PIGU: variants seen among roughly 807,000 people sequenced by gnomAD.
PIGU encodes the protein GPI-anchor transamidase component PIGU.
Under a neutral mutation model 49.9 loss-of-function variants are expected in PIGU, and 24 were observed. The ratio of observed to expected loss-of-function variants is 0.48; its 90% confidence interval spans 0.35 to 0.68. PIGU has a LOEUF of 0.68. Among genes scored for constraint, PIGU ranks in the 30% least tolerant of loss-of-function variants. The pLI is 0.01. For synonymous variants in PIGU, 220 were observed against 205.7 expected, an observed-to-expected ratio of 1.07 and a Z score of -0.59; for missense variants, 490 against 532.6, an observed-to-expected ratio of 0.92 and a Z score of 0.79.
intron 6 of PIGU, among the ~76,000 whole-genome samples, chr20:34,616,618 T>C (rs1985018604): frequency 6.6e-6 from 1 of 152,182 alleles, no homozygotes; most frequent in Non-Finnish European, 1.5e-5. Flanking sequence ...TTTTTTCTTT[T>C]CAAATGAAAG....
chr20:34,618,417 T>C (rs931844693), intron 6 of PIGU, among the ~76,000 whole-genome samples: 1 of 152,034 alleles, frequency 6.6e-6, no homozygotes, highest in Admixed American at 6.6e-5. Flanking sequence ...GCCCAACAGG[T>C]GTCTTGTAAT....
Position 34,581,571 on chromosome 20 carries a change from GGGAAGAA to G in PIGU, c.1021_1027del (p.Phe341ProfsTer10). ...ACATCTGTAGAGATGGTTCCACACG[GGGAAGAA>G]GGCCATGTAGAGCGCCACGTCCCCC... On this transcript the variant is annotated frameshift_variant, in exon 10 of 12. Transcript: ENST00000217446. LOFTEE classifies it high-confidence loss of function. 6.2e-7 allele frequency: 1 copy of G among 1,613,766 alleles called. No homozygotes were observed. The highest frequency in any genetic ancestry group is 8.5e-7 in the Non-Finnish European group (1 of 1,179,934).
chr20:34,612,510 T>C (rs1984853361), intron 7 of PIGU, among the ~76,000 whole-genome samples: 1 of 152,032 alleles, frequency 6.6e-6, no homozygotes, highest in Admixed American at 6.6e-5. Context: ...AGCACATGTA[T>C]TCCAGAACTT....
At chr20:34,616,763 A>C (rs1985025649) in intron 6 of PIGU, among the ~76,000 whole-genome samples, 1 of 152,224 alleles carries the variant, frequency 6.6e-6, no homozygotes, top group Non-Finnish European at 1.5e-5. Context: ...GAAGTTTATA[A>C]AAGAGACATA....
At chr20:34,658,754 C>A (rs954158532) in intron 1 of PIGU, among the ~76,000 whole-genome samples, 1 of 149,076 alleles carries the variant, frequency 6.7e-6, no homozygotes, top group East Asian at 2.0e-4. Flanking sequence ...CCCCTCCGCC[C>A]GGCAGCCGCC....
chr20:34,608,178 G>A (rs566060203), intron 7 of PIGU, among the ~76,000 whole-genome samples: 19 of 150,642 alleles, frequency 1.3e-4, no homozygotes, highest in African/African-American at 4.2e-4. Context: ...AGGTTCAAGC[G>A]ATTCTCGTGC....
intron 11 of PIGU, among the ~76,000 whole-genome samples, chr20:34,562,059 G>C (rs537206867): frequency 4.6e-5 from 7 of 152,328 alleles, no homozygotes; most frequent in African/African-American, 1.7e-4. Context: ...GCCACACACA[G>C]AAGAATCAAA....
At chr20:34,567,054 G>A (rs1161063036) in intron 11 of PIGU, among the ~76,000 whole-genome samples, 1 of 152,242 alleles carries the variant, frequency 6.6e-6, no homozygotes, top group Non-Finnish European at 1.5e-5. Context: ...GGCATGTCCT[G>A]GTTCCCCAGG....
At chr20:34,669,211 GGTTTA>G (rs1027362495) in intron 1 of PIGU, among the ~76,000 whole-genome samples, 5 of 151,872 alleles carry the variant, frequency 3.3e-5, no homozygotes, top group African/African-American at 1.2e-4. Context: ...TAACAACTAT[GGTTTA>G]GTTAATAGTA....
intron 9 of PIGU, among the ~76,000 whole-genome samples, chr20:34,582,499 G>C (rs1201165287): frequency 6.6e-6 from 1 of 151,988 alleles, no homozygotes; most frequent in Non-Finnish European, 1.5e-5. Flanking sequence ...AGGCAACATA[G>C]TGAAATCTCA....
intron 1 of PIGU, among the ~76,000 whole-genome samples, chr20:34,659,593 G>A (rs1255967366): frequency 3.3e-5 from 5 of 152,242 alleles, no homozygotes; most frequent in Non-Finnish European, 7.3e-5. Flanking sequence ...GACAATGGCG[G>A]TTTTGTGGAA....
At chr20:34,584,504 C>CTT (rs5841174) in intron 9 of PIGU, among the ~76,000 whole-genome samples, 197 of 66,398 alleles carry the variant, frequency 3.0e-3, no homozygotes, top group Middle Eastern at 0.015. Context: ...AACTCCTGTT[C>CTT]TTTTTTTTTT....
At chr20:34,668,485 G>GC (rs1383786806) in intron 1 of PIGU, among the ~76,000 whole-genome samples, 5 of 98,798 alleles carry the variant, frequency 5.1e-5, no homozygotes, top group East Asian at 3.1e-4. Context: ...AAAAAAAAAG[G>GC]GGGGGGCGGG....
intron 7 of PIGU, among the ~76,000 whole-genome samples, chr20:34,607,223 G>A (rs911041741): frequency 6.6e-6 from 1 of 152,184 alleles, no homozygotes; most frequent in African/African-American, 2.4e-5. Flanking sequence ...GTAGAAAAGG[G>A]CCGTTCCTGG....
chr20:34,665,445 C>T (rs1987059947), intron 1 of PIGU, among the ~76,000 whole-genome samples: 2 of 151,000 alleles, frequency 1.3e-5, no homozygotes, highest in African/African-American at 2.4e-5. Context: ...CCTCGTGATC[C>T]GCCCGCCTCG....
chr20:34,617,558 C>T (rs1336330455), intron 6 of PIGU, among the ~76,000 whole-genome samples: 1 of 152,172 alleles, frequency 6.6e-6, no homozygotes, highest in African/African-American at 2.4e-5. Context: ...ATGCCTATAC[C>T]CCCATTGTAT....
At chr20:34,584,161 C>T (rs556062513) in intron 9 of PIGU, among the ~76,000 whole-genome samples, 30 of 152,252 alleles carry the variant, frequency 2.0e-4, no homozygotes, top group African/African-American at 7.2e-4. Flanking sequence ...GGAAAATCAT[C>T]CCACCTCTCT....
intron 1 of PIGU, among the ~76,000 whole-genome samples, chr20:34,671,163 T>G (rs1459962119): frequency 6.6e-6 from 1 of 152,212 alleles, no homozygotes; most frequent in Non-Finnish European, 1.5e-5. Flanking sequence ...GATAACAGTT[T>G]GCCATTTTAG....
intron 7 of PIGU, among the ~76,000 whole-genome samples, chr20:34,614,253 C>A (rs560673570): frequency 2.0e-5 from 3 of 151,844 alleles, no homozygotes; most frequent in Admixed American, 2.0e-4. Context: ...ACCGTGACTG[C>A]GGCACTGCAC....
Sources: allele counts gnomAD v4.1 joint callset (sites outside exome capture counted in the v4.1 genomes callset), GRCh38; gene constraint gnomAD v4.1.1; transcripts MANE v1.5; gene names NCBI Gene and HGNC (gene_info 2026-07-23, HGNC 2026-07-21).